C4orf46: variants seen among roughly 807,000 people sequenced by gnomAD.
The protein encoded by C4orf46 is chromosome 4 open reading frame 46, also known as renal cancer differentiation gene 1 protein.
C4orf46 carries 8 observed loss-of-function variants against 9.1 expected under a neutral mutation model. The ratio of observed to expected loss-of-function variants is 0.88; its 90% confidence interval spans 0.52 to 1.59. C4orf46 has a LOEUF of 1.59. Ranked by LOEUF, C4orf46 falls within the 40% of genes most tolerant of loss-of-function variation. C4orf46 has a pLI of 0.00. For missense variants in C4orf46, 151 were observed against 139.1 expected, an observed-to-expected ratio of 1.09 and a Z score of -0.43; for synonymous variants, 51 against 58.8, an observed-to-expected ratio of 0.87 and a Z score of 0.61.
At position 158,671,845 on chromosome 4, in the gene C4orf46, C is replaced by G. The variant is rs1773566805; in HGVS notation, c.-44G>C. ...CGGAATCCGACCCGAGAAGCCGAACCGACACCAACTGTCTTTTAACCACTC... is the reference window on the plus strand; with the variant it reads ...CGGAATCCGACCCGAGAAGCCGAACGGACACCAACTGTCTTTTAACCACTC... On this transcript the variant is annotated 5_prime_UTR_variant, in exon 1 of 2. Transcript: ENST00000379205. The G allele has an allele frequency of 1.4e-6, 2 of 1,421,310 alleles. No individual in the cohort carries two copies. Among genetic ancestry groups the G allele is most frequent in the South Asian group, 2.9e-5 (2 of 69,254 alleles). The allele number at this position is 1,421,310 out of a possible 1,614,324, so 88.0% of individuals were successfully genotyped here.
rs1273445159 is a variant in C4orf46, at chr4:158,671,833, G to C, written c.-32C>G. On this transcript the variant is annotated 5_prime_UTR_variant, in exon 1 of 2. Transcript: ENST00000379205. ...GGGTTGGGACCGCGGAATCCGACCCGAGAAGCCGAACCGACACCAACTGTC... is the reference window on the plus strand; with the variant it reads ...GGGTTGGGACCGCGGAATCCGACCCCAGAAGCCGAACCGACACCAACTGTC... The C allele has an allele frequency of 6.9e-7, 1 of 1,446,366 alleles. No individual in the cohort carries two copies. Among genetic ancestry groups the C allele is most frequent in the Non-Finnish European group, 9.2e-7 (1 of 1,090,418 alleles). The allele number at this position is 1,446,366 out of a possible 1,614,324, so 89.6% of individuals were successfully genotyped here.
rs1454769047 is a variant in C4orf46 at position 158,667,944 on chromosome 4, A to G, written c.*1669T>C. The G allele has an allele frequency of 6.6e-6, 1 of 152,184 alleles. No individual in the cohort carries two copies. The highest frequency in any genetic ancestry group is 1.9e-4 in the East Asian group (1 of 5,206). 9.4% of individuals were successfully genotyped at this position (152,184 alleles called of 1,614,324 possible). On this transcript the variant is annotated 3_prime_UTR_variant, in exon 2 of 2. Transcript: ENST00000379205. ...TTAAAAATATAAAAACACATGCTAT[A>G]TTATGCCCCCTCTAGTGGTTACCTC...
Position 158,671,599 on chromosome 4 carries a change from C to T in C4orf46, c.186+17G>A, listed in dbSNP as rs759444014. ...CAGAGGCGCCGAGGGGGGACGCGGT[C>T]CCGACACCACACTCACGTCTCCGAT... is the stretch of plus-strand genomic sequence containing the variant. On this transcript the variant is annotated intron_variant, in intron 1 of 1. Transcript: ENST00000379205. 4.7e-6 allele frequency: 7 copies of T among 1,496,258 alleles called. No individual in the cohort carries two copies. Among genetic ancestry groups the T allele is most frequent in the Non-Finnish European group, 6.3e-6 (7 of 1,115,850 alleles). 92.7% of individuals were successfully genotyped at this position (1,496,258 alleles called of 1,614,324 possible).
Position 158,666,970 on chromosome 4 carries a change from A to T in C4orf46, c.*2643T>A, listed in dbSNP as rs542438049. ...CATCTTCTCATCTTGGTATCAGGAA[A>T]GCATCTTTATCAAAGAAGTTTGTAT... On this transcript the variant is annotated 3_prime_UTR_variant, in exon 2 of 2. Transcript: ENST00000379205. 6.6e-6 allele frequency: 1 copy of T among 152,344 alleles called. No individual in the cohort carries two copies. The highest frequency in any genetic ancestry group is 1.5e-5 in the Non-Finnish European group (1 of 68,036). The allele number at this position is 152,344 out of a possible 1,614,324, so 9.4% of individuals were successfully genotyped here. A position where few individuals can be genotyped will look rare whatever the true frequency, so the allele number is the denominator to read the frequency against.
In C4orf46 at chr4:158,671,656, G is replaced by T. The variant is rs369968557; in HGVS notation, c.146C>A (p.Thr49Lys). The T allele has an allele frequency of 1.2e-6, 2 of 1,602,420 alleles. No individual in the cohort carries two copies. The highest frequency in any genetic ancestry group is 1.7e-5 in the Admixed American group (1 of 59,092). The stretch of plus-strand genomic sequence containing the variant: ...CTCCACTTCCTCCAGCTGGTCCACC[G>T]TTGGGCCGCTGCTCCTGCTCGGAAC... ...WPVPSRSSGP[T>K]VDQLEEVELQ... The change falls in exon 1 of 2, where the codon ACG becomes AAG. Residue 49 changes from threonine (T) to lysine (K), a missense_variant. Thr to Lys is a moderately conservative substitution (Grantham distance 78). Transcript: ENST00000379205.
In C4orf46 at chr4:158,667,864, G is replaced by C. The variant is rs1773422651; in HGVS notation, c.*1749C>G. 1 of 152,106 alleles carries C rather than the reference G, an allele frequency of 6.6e-6. No individual in the cohort carries two copies. The highest frequency in any genetic ancestry group is 2.1e-4 in the South Asian group (1 of 4,816). 9.4% of individuals were successfully genotyped at this position (152,106 alleles called of 1,614,324 possible). On this transcript the variant is annotated 3_prime_UTR_variant, in exon 2 of 2. Transcript: ENST00000379205. Reference sequence around the variant, plus strand: ...GGATCACTGGGGCCATCTGGAAGCTGGCTACCACATATATAAAACAATATT... The same window carrying C: ...GGATCACTGGGGCCATCTGGAAGCTCGCTACCACATATATAAAACAATATT...
chr4:158,667,631 T>C lies in C4orf46; in HGVS notation c.*1982A>G, dbSNP rs1773414465. On this transcript the variant is annotated 3_prime_UTR_variant, in exon 2 of 2. Coordinates refer to ENST00000379205, the MANE Select transcript of C4orf46 (RefSeq NM_001008393.4). ...GATGGGAGGATTGTTTGAGTCCAAG[T>C]TTAAGGTTACAGTGAGCTATGATCC... 1 of 151,512 alleles carries C rather than the reference T, an allele frequency of 6.6e-6. No homozygotes were observed. The highest frequency in any genetic ancestry group is 1.5e-5 in the Non-Finnish European group (1 of 67,910). The allele number at this position is 151,512 out of a possible 1,614,324, so 9.4% of individuals were successfully genotyped here. A position where few individuals can be genotyped will look rare whatever the true frequency, so the allele number is the denominator to read the frequency against.
In C4orf46 at chr4:158,668,121, C is replaced by T. The variant is rs1773428221; in HGVS notation, c.*1492G>A. The T allele has an allele frequency of 1.3e-5, 2 of 152,208 alleles. No homozygotes were observed. Among genetic ancestry groups the T allele is most frequent in the African/African-American group, 4.8e-5 (2 of 41,406 alleles). 9.4% of individuals were successfully genotyped at this position (152,208 alleles called of 1,614,324 possible). On this transcript the variant is annotated 3_prime_UTR_variant, in exon 2 of 2. Transcript: ENST00000379205. ...TTATTACATCTGCATGGTAGAAATA[C>T]ACGGATTTTCTTGAAATCATTTACC...
Position 158,666,809 on chromosome 4 carries a change from T to G in C4orf46, c.*2804A>C, listed in dbSNP as rs937300012. 7 of 152,206 alleles carry G rather than the reference T, an allele frequency of 4.6e-5. No individual in the cohort carries two copies. The highest frequency in any genetic ancestry group is 1.7e-4 in the African/African-American group (7 of 41,450). The allele number at this position is 152,206 out of a possible 1,614,324, so 9.4% of individuals were successfully genotyped here. A position where few individuals can be genotyped will look rare whatever the true frequency, so the allele number is the denominator to read the frequency against. On this transcript the variant is annotated 3_prime_UTR_variant, in exon 2 of 2. Transcript: ENST00000379205. ...TAGCATCTTCCACAAAGAATACATT[T>G]CAGAGAAGTGTGACAAGACGAAGGA... is the stretch of plus-strand genomic sequence containing the variant.
upstream of C4orf46, chr4:158,672,043 G>A (rs2150300184): frequency 3.6e-6 from 2 of 558,982 alleles, no homozygotes; most frequent in Non-Finnish European, 6.4e-6. Context: ...CGATCTCGAA[G>A]GGCACTCGTA....
chr4:158,667,367 T>G lies in C4orf46; in HGVS notation c.*2246A>C, dbSNP rs545653920. 2.6e-5 allele frequency: 4 copies of G among 152,330 alleles called. No homozygotes were observed. In the South Asian group the frequency reaches 8.3e-4, roughly 32 times the overall value. The allele number at this position is 152,330 out of a possible 1,614,324, so 9.4% of individuals were successfully genotyped here. A position where few individuals can be genotyped will look rare whatever the true frequency, so the allele number is the denominator to read the frequency against. The stretch of plus-strand genomic sequence containing the variant: ...ATAGGACTATTTTTATGACATTTCC[T>G]ATACAAAAACCAGAAAAAGCAAATC... On this transcript the variant is annotated 3_prime_UTR_variant, in exon 2 of 2. Transcript: ENST00000379205.
chr4:158,669,828 A>C, intron 1 of C4orf46, 60 bp from the exon 2 acceptor site: 1 of 1,424,774 alleles, frequency 7.0e-7, no homozygotes, highest in East Asian at 2.4e-5. Context: ...TTTTATAAGC[A>C]GGCTGAAAAT....
intron 1 of C4orf46, among the ~76,000 whole-genome samples, chr4:158,670,412 A>G (rs1426111251): frequency 6.6e-6 from 1 of 152,148 alleles, no homozygotes; most frequent in African/African-American, 2.4e-5. Context: ...GATATATCTG[A>G]GAGATTTCAT....
In C4orf46 at chr4:158,667,264, C is replaced by G. The variant is rs931154411; in HGVS notation, c.*2349G>C. On this transcript the variant is annotated 3_prime_UTR_variant, in exon 2 of 2. Transcript: ENST00000379205. The stretch of plus-strand genomic sequence containing the variant: ...TTAAAACAAGATTCCAAAATCATGC[C>G]ATAAAAGAAAACAAATTTCAGTTGG... 6.6e-6 allele frequency: 1 copy of G among 152,032 alleles called. No homozygotes were observed. Among genetic ancestry groups the G allele is most frequent in the Admixed American group, 6.6e-5 (1 of 15,262 alleles). The allele number at this position is 152,032 out of a possible 1,614,324, so 9.4% of individuals were successfully genotyped here. A position where few individuals can be genotyped will look rare whatever the true frequency, so the allele number is the denominator to read the frequency against.
intron 1 of C4orf46, among the ~76,000 whole-genome samples, chr4:158,671,247 A>C (rs1773529785): frequency 6.6e-6 from 1 of 152,160 alleles, no homozygotes; most frequent in Non-Finnish European, 1.5e-5. Context: ...AATGAAAACT[A>C]TTCTCCGATG....
In C4orf46 at chr4:158,666,828, C is replaced by T. The variant is rs10024549; in HGVS notation, c.*2785G>A. The T allele has an allele frequency of 2.7e-3, 412 of 152,212 alleles. 1 individual carries two copies. The highest frequency in any genetic ancestry group is 9.5e-3 in the African/African-American group (394 of 41,526). 9.4% of individuals were successfully genotyped at this position (152,212 alleles called of 1,614,324 possible). A position where few individuals can be genotyped will look rare whatever the true frequency, so the allele number is the denominator to read the frequency against. ...TACATTTCAGAGAAGTGTGACAAGA[C>T]GAAGGAAAGCAGTTTTAGGCTTCCA... On this transcript the variant is annotated 3_prime_UTR_variant, in exon 2 of 2. Transcript: ENST00000379205.
Position 158,669,581 on chromosome 4 carries a change from G to A in C4orf46, c.*32C>T, listed in dbSNP as rs768335528. 1.9e-6 allele frequency: 3 copies of A among 1,603,000 alleles called. No individual in the cohort carries two copies. The highest frequency in any genetic ancestry group is 2.6e-6 in the Non-Finnish European group (3 of 1,172,356). On this transcript the variant is annotated 3_prime_UTR_variant, in exon 2 of 2. Coordinates refer to ENST00000379205, the MANE Select transcript of C4orf46 (RefSeq NM_001008393.4). ...TATGACATAAGAAGTATGAATTATT[G>A]CAGTCATTATTAAACAACGAAGTAT... is the stretch of plus-strand genomic sequence containing the variant.
rs1178929194 is a variant in C4orf46, at chr4:158,669,013, T to C, written c.*600A>G. On this transcript the variant is annotated 3_prime_UTR_variant, in exon 2 of 2. Coordinates refer to ENST00000379205, the MANE Select transcript of C4orf46 (RefSeq NM_001008393.4). ...AGTCAAAAAAGTTCAGATTCATACA[T>C]TTCCTAGAGAAACAATGACAGTCTT... 7 of 152,236 alleles carry C rather than the reference T, an allele frequency of 4.6e-5. No individual in the cohort carries two copies. The highest frequency in any genetic ancestry group is 7.3e-5 in the Non-Finnish European group (5 of 68,034). The allele number at this position is 152,236 out of a possible 1,614,324, so 9.4% of individuals were successfully genotyped here.
Position 158,669,100 on chromosome 4 carries a change from A to G in C4orf46, c.*513T>C, listed in dbSNP as rs2150298095. 6.6e-6 allele frequency: 1 copy of G among 152,412 alleles called. No individual in the cohort carries two copies. Among genetic ancestry groups the G allele is most frequent in the Middle Eastern group, 3.4e-3 (1 of 294 alleles). 9.4% of individuals were successfully genotyped at this position (152,412 alleles called of 1,614,324 possible). ...TGTTTGTTAACTCTTTTATTCAACA[A>G]ACATTTAGTGAATGTTGTGTGACCC... On this transcript the variant is annotated 3_prime_UTR_variant, in exon 2 of 2. Coordinates refer to ENST00000379205, the MANE Select transcript of C4orf46 (RefSeq NM_001008393.4).
Sources: gnomAD v4.1 joint callset for allele counts (sites outside exome capture counted in the v4.1 genomes callset) on GRCh38, gnomAD v4.1.1 for gene constraint, MANE v1.5 for transcripts, NCBI Gene and HGNC (gene_info 2026-07-23, HGNC 2026-07-21) for gene names.